The following GRIK3 variants were observed in gnomAD, a reference collection of about 807,000 sequenced individuals.
GRIK3 encodes glutamate ionotropic receptor kainate type subunit 3.
Under a neutral mutation model 102.5 loss-of-function variants are expected in GRIK3, and 29 were observed. The observed-to-expected ratio is 0.28, with a 90% CI of 0.21 to 0.39. GRIK3 has a LOEUF of 0.39. Ranked by LOEUF, GRIK3 falls within the 10% of genes least tolerant of loss-of-function variation. The pLI is 1.00. For synonymous variants in GRIK3, 511 were observed against 504.9 expected (o/e 1.01, Z -0.16); for missense variants, 908 against 1,252.4 (o/e 0.73, Z 4.15).
At chr1:37,004,588 G>A (rs1245451337) in intron 1 of GRIK3, among the ~76,000 whole-genome samples, 1 of 152,194 alleles carries the variant, frequency 6.6e-6, no homozygotes. Context: ...TTCACAGCAG[G>A]TCTTACGGGG....
chr1:36,830,772 C>T (rs1244180472), intron 10 of GRIK3, among the ~76,000 whole-genome samples: 1 of 139,248 alleles, frequency 7.2e-6, no homozygotes, highest in Non-Finnish European at 1.5e-5. Context: ...GATCACATCA[C>T]TGCACTCCAG....
intron 1 of GRIK3, among the ~76,000 whole-genome samples, chr1:37,003,317 T>C (rs1056597545): frequency 6.6e-6 from 1 of 152,228 alleles, no homozygotes; most frequent in Non-Finnish European, 1.5e-5. Flanking sequence ...TGAAATGGAA[T>C]AGTTACTATT....
At chr1:37,004,596 G>C (rs879770251) in intron 1 of GRIK3, among the ~76,000 whole-genome samples, 1 of 152,168 alleles carries the variant, frequency 6.6e-6, no homozygotes, top group Non-Finnish European at 1.5e-5. Flanking sequence ...AGGTCTTACG[G>C]GGACCATGGC....
intron 1 of GRIK3, among the ~76,000 whole-genome samples, chr1:37,032,598 C>T (rs1004625000): frequency 6.6e-6 from 1 of 152,184 alleles, no homozygotes; most frequent in Non-Finnish European, 1.5e-5. Context: ...CCAGGCTGGG[C>T]TGCAAAGGGT....
chr1:36,941,267 C>T (rs941782153), intron 1 of GRIK3, among the ~76,000 whole-genome samples: 1 of 152,230 alleles, frequency 6.6e-6, no homozygotes, highest in Non-Finnish European at 1.5e-5. Flanking sequence ...CATGCCCACT[C>T]CAAGCGCCAG....
chr1:37,033,659 G>A (rs879894812), intron 1 of GRIK3, among the ~76,000 whole-genome samples: 1 of 152,162 alleles, frequency 6.6e-6, no homozygotes, highest in African/African-American at 2.4e-5. Flanking sequence ...CGCAGAACTC[G>A]GTCGGCTGCG....
In GRIK3 at chr1:36,850,482, C is replaced by T; in HGVS notation, c.1213-58G>A. 1.0e-6 allele frequency: 1 copy of T among 986,164 alleles called. No homozygotes were observed. The highest frequency in any genetic ancestry group is 1.6e-6 in the Non-Finnish European group (1 of 610,410). 61.1% of individuals were successfully genotyped at this position (986,164 alleles called of 1,614,324 possible). ...AGTCCTTGGTCTACCCATCTTCCTC[C>T]ATATCGACAAGACCTTCATCTCATT... On this transcript the variant is annotated intron_variant, in intron 8 of 15. Coordinates refer to ENST00000373091, the MANE Select transcript of GRIK3 (RefSeq NM_000831.4). The surrounding 1 kb of genome is among the most constrained non-coding windows in gnomAD (Gnocchi z 4.0).
rs1427357469 is a variant in GRIK3 at position 36,805,096 on chromosome 1, T to C, written c.2456A>G (p.Gln819Arg). The change falls in exon 15 of 16, where the codon CAG becomes CGG. Residue 819 changes from glutamine to arginine, a missense_variant. Physicochemically the swap from Gln to Arg is conservative, Grantham distance 43 (BLOSUM62 1). Coordinates refer to ENST00000373091, the MANE Select transcript of GRIK3 (RefSeq NM_000831.4). ...ENKEASALGI[Q>R]KIGGIFIVLA... ...GACAATGAAGATGCCCCCGATCTTC[T>C]GGATCCCCAGGGCACTGGCCTCTTT... The C allele has an allele frequency of 1.2e-6, 2 of 1,614,214 alleles. No homozygotes were observed. Among genetic ancestry groups the C allele is most frequent in the East Asian group, 2.2e-5 (1 of 44,882 alleles).
At chr1:37,033,606 T>C (rs1213916259) in intron 1 of GRIK3, among the ~76,000 whole-genome samples, 1 of 152,152 alleles carries the variant, frequency 6.6e-6, no homozygotes, top group Non-Finnish European at 1.5e-5. Context: ...AGGAGAGAAG[T>C]TGGCGCCTTC....
In GRIK3 at chr1:36,801,425, A is replaced by G. The variant is rs565074031; in HGVS notation, c.*426T>C. The G allele has an allele frequency of 6.3e-6, 1 of 158,606 alleles. No individual in the cohort carries two copies. The highest frequency in any genetic ancestry group is 1.9e-4 in the East Asian group (1 of 5,376). The allele number at this position is 158,606 out of a possible 1,614,324, so 9.8% of individuals were successfully genotyped here. ...TGCTAGAACATCCTTAAGGCGCCGA[A>G]GGCTTGTGTCTCTGGCCTCACGGTC... On this transcript the variant is annotated 3_prime_UTR_variant, in exon 16 of 16. Transcript: ENST00000373091.
At chr1:36,854,973 G>A (rs1163403406) in intron 7 of GRIK3, among the ~76,000 whole-genome samples, 1 of 152,230 alleles carries the variant, frequency 6.6e-6, no homozygotes, top group Non-Finnish European at 1.5e-5. Context: ...GTCTGGACCT[G>A]TTTCCCTCCT....
At chr1:37,015,912 A>G (rs1164150086) in intron 1 of GRIK3, among the ~76,000 whole-genome samples, 2 of 152,258 alleles carry the variant, frequency 1.3e-5, no homozygotes, top group Non-Finnish European at 2.9e-5. Flanking sequence ...TGCTCCTGCC[A>G]AGATCTGGTG....
intron 1 of GRIK3, among the ~76,000 whole-genome samples, chr1:37,005,028 C>T (rs1473240943): frequency 2.0e-5 from 3 of 152,224 alleles, no homozygotes; most frequent in African/African-American, 7.2e-5. Flanking sequence ...TCTCAGACAC[C>T]TATCTAACAG....
chr1:36,867,031 C>T (rs1347518546), intron 5 of GRIK3, among the ~76,000 whole-genome samples: 1 of 152,204 alleles, frequency 6.6e-6, no homozygotes, highest in African/African-American at 2.4e-5. Context: ...TCTATGTACA[C>T]CCCTCCCACC....
chr1:36,883,543 C>T (rs1641006543), intron 2 of GRIK3, among the ~76,000 whole-genome samples: 1 of 152,198 alleles, frequency 6.6e-6, no homozygotes, highest in Non-Finnish European at 1.5e-5. Flanking sequence ...AAGGAAGAGG[C>T]CCACGCATGT....
At position 36,961,947 on chromosome 1, in the gene GRIK3, A is replaced by T. The variant is rs1441619268; in HGVS notation, c.116-70851T>A. Among the ~76,000 whole-genome samples the T allele has an allele frequency of 2.0e-5, 3 of 152,268 alleles. No individual in the cohort carries two copies. In the East Asian group the frequency reaches 5.8e-4, roughly 29 times the overall value. On this transcript the variant is annotated intron_variant, in intron 1 of 15. Coordinates refer to ENST00000373091, the MANE Select transcript of GRIK3 (RefSeq NM_000831.4). ...GAGAAACCCAGCCAGATGATTCCAC[A>T]TGTGGTGAGAACTGGTCTAAGAGCC...
At chr1:37,000,427 T>G (rs1180706845) in intron 1 of GRIK3, among the ~76,000 whole-genome samples, 4 of 152,164 alleles carry the variant, frequency 2.6e-5, no homozygotes, top group African/African-American at 9.7e-5. Context: ...TAACCCAATT[T>G]GACAGAGGGG....
chr1:37,033,957 G>A lies in GRIK3; in HGVS notation c.115+37C>T, dbSNP rs753986570. On this transcript the variant is annotated intron_variant, in intron 1 of 15. Coordinates refer to ENST00000373091, the MANE Select transcript of GRIK3 (RefSeq NM_000831.4). The stretch of plus-strand genomic sequence containing the variant: ...GGCCCCCTCATTCCCGCCCCCTCCC[G>A]GGCGCACGGAGACCCCCGGCTCCAG... 4.8e-6 allele frequency: 6 copies of A among 1,237,192 alleles called. No homozygotes were observed. In the South Asian group the frequency reaches 5.2e-5, roughly 11 times the overall value. 76.6% of individuals were successfully genotyped at this position (1,237,192 alleles called of 1,614,324 possible).
At chr1:36,895,099 C>T (rs1212783556) in intron 1 of GRIK3, among the ~76,000 whole-genome samples, 1 of 152,110 alleles carries the variant, frequency 6.6e-6, no homozygotes, top group Non-Finnish European at 1.5e-5. Flanking sequence ...GGCACAGGCT[C>T]ACCAAAAGAC....
Sources: gnomAD v4.1 joint callset for allele counts (sites outside exome capture counted in the v4.1 genomes callset) on GRCh38, gnomAD v4.1.1 for gene constraint, Gnocchi (gnomAD v3.1) non-coding constraint, MANE v1.5 for transcripts, NCBI Gene and HGNC (gene_info 2026-07-23, HGNC 2026-07-21) for gene names.